The following DUSP22 variants were observed in gnomAD, a reference collection of about 807,000 sequenced individuals.
DUSP22 encodes the protein dual specificity phosphatase 22, also known as dual specificity protein phosphatase 22.
A neutral mutation model predicts 24.5 loss-of-function variants in DUSP22; 24 were observed. The ratio of observed to expected loss-of-function variants is 0.98; its 90% CI spans 0.71 to 1.38. The LOEUF (loss-of-function observed/expected upper bound fraction) is 1.38. Ranked by LOEUF, DUSP22 falls within the 40% of genes most tolerant of loss-of-function variation. The probability of loss-of-function intolerance (pLI) is 0.00; values close to 1 mark genes in which losing one functional copy is unlikely to be tolerated. For synonymous variants in DUSP22, 160 were observed against 106.4 expected (o/e 1.50, Z -3.10); for missense variants, 330 against 269.2 (o/e 1.23, Z -1.58).
chr6:308,373 G>A (rs1395856591), intron 2 of DUSP22, among the ~76,000 whole-genome samples: 6 of 152,306 alleles, frequency 3.9e-5, no homozygotes, highest in Non-Finnish European at 7.3e-5. Context: ...AACCAATAGT[G>A]TGAAGTCTGT....
chr6:323,595 G>T (rs911828455), intron 3 of DUSP22, among the ~76,000 whole-genome samples: 1 of 152,304 alleles, frequency 6.6e-6, no homozygotes, highest in East Asian at 1.9e-4. Context: ...CACTATCAGT[G>T]CAAGGAGAGG....
intron 3 of DUSP22, among the ~76,000 whole-genome samples, chr6:329,545 TGGGTTC>T (rs1759047408): frequency 6.6e-6 from 1 of 152,238 alleles, no homozygotes. Context: ...CTCCACCTCC[TGGGTTC>T]AAGCGATTCT....
chr6:335,274 C>CAGGG, intron 4 of DUSP22, 111 bp downstream of exon 4: 1 of 1,364,328 alleles, frequency 7.3e-7, no homozygotes, highest in Non-Finnish European at 1.0e-6. Context: ...GGGACCCTTG[C>CAGGG]TGACCCTGCC....
intron 1 of DUSP22, among the ~76,000 whole-genome samples, chr6:301,275 A>G (rs777788421): frequency 1.3e-3 from 201 of 152,360 alleles, no homozygotes; most frequent in Non-Finnish European, 2.6e-3. Flanking sequence ...GACCCCAAAC[A>G]GTGGGAACCT....
intron 3 of DUSP22, among the ~76,000 whole-genome samples, chr6:317,944 AG>A (rs1407037104): frequency 1.2e-4 from 19 of 152,294 alleles, no homozygotes; most frequent in African/African-American, 4.6e-4. Context: ...AGGATGTGAA[AG>A]TAGAGTGGGG....
In DUSP22 at chr6:304,633, G is replaced by T. The variant is rs749115010; in HGVS notation, c.27G>T (p.Leu9=). Residue 9 remains leucine (L), a synonymous_variant, in exon 2 of 7, where the codon CTG becomes CTT. Coordinates refer to ENST00000419235, the MANE Select transcript of DUSP22 (RefSeq NM_001286555.3). The stretch of plus-strand genomic sequence containing the variant: ...TGTGTCTGTCTCTCTCCTAGATCCT[G>T]CCCGGCCTGTACATCGGCAACTTCA... The part of the protein sequence containing the change: MGNGMNKI[L]PGLYIGNFKD... The T allele has an allele frequency of 6.2e-7, 1 of 1,614,260 alleles. No individual in the cohort carries two copies. Among genetic ancestry groups the T allele is most frequent in the African/African-American group, 1.3e-5 (1 of 75,088 alleles).
At chr6:348,736 G>A in intron 6 of DUSP22, 33 bp from the exon 7 acceptor site, 4 of 1,613,756 alleles carry the variant, frequency 2.5e-6, no homozygotes, top group African/African-American at 2.7e-5. Context: ...GCACATGTGT[G>A]TGACGTTTCG....
Position 315,510 on chromosome 6 carries a change from C to A in DUSP22, c.138+3548C>A, listed in dbSNP as rs530779989. ...CCACTGCCTCTGTTCTCTCCTAGCA[C>A]GACTGATGTTTCTGATATCCTTAGT... On this transcript the variant is annotated intron_variant, in intron 3 of 6. Transcript: ENST00000419235. 3.3e-5 allele frequency among the ~76,000 whole-genome samples: 5 copies of A among 152,308 alleles called. No individual in the cohort carries two copies. In the East Asian group the frequency reaches 7.7e-4, roughly 23 times the overall value.
intron 1 of DUSP22, among the ~76,000 whole-genome samples, chr6:301,097 A>G (rs953938676): frequency 6.6e-6 from 1 of 152,306 alleles, no homozygotes; most frequent in Non-Finnish European, 1.5e-5. Flanking sequence ...GTGAGCAGGT[A>G]TCTGGCATTG....
rs1403317183 is a variant in DUSP22 at position 349,898 on chromosome 6, C to CT, written c.*949dup. Reference sequence around the variant, plus strand: ...CCAGGGCACCCCCTCCTCTCTGCTCCTTGCCAGCTTCATTCACTCCCAGCC... The same window carrying CT: ...CCAGGGCACCCCCTCCTCTCTGCTCCTTTGCCAGCTTCATTCACTCCCAGCC... On this transcript the variant is annotated 3_prime_UTR_variant, in exon 7 of 7. Transcript: ENST00000419235. 1 of 985,848 alleles carries CT rather than the reference C, an allele frequency of 1.0e-6. No homozygotes were observed. The highest frequency in any genetic ancestry group is 1.2e-6 in the Non-Finnish European group (1 of 830,296). The allele number at this position is 985,848 out of a possible 1,614,324, so 61.1% of individuals were successfully genotyped here.
chr6:336,622 C>T (rs558363204), intron 4 of DUSP22, among the ~76,000 whole-genome samples: 35 of 152,400 alleles, frequency 2.3e-4, no homozygotes, highest in Admixed American at 4.6e-4. Flanking sequence ...AGGAGGGGAA[C>T]GGGAGGTGGG....
chr6:293,611 G>T (rs993526358), intron 1 of DUSP22, among the ~76,000 whole-genome samples: 20 of 152,272 alleles, frequency 1.3e-4, no homozygotes, highest in Admixed American at 2.6e-4. Flanking sequence ...GTCAGCAGTG[G>T]TTTGGGTGTT....
intron 3 of DUSP22, among the ~76,000 whole-genome samples, chr6:320,558 C>A (rs1758539421): frequency 6.6e-6 from 1 of 152,310 alleles, no homozygotes; most frequent in South Asian, 2.1e-4. Flanking sequence ...GCCTGGTTGC[C>A]TTTGGGTGCC....
At position 350,899 on chromosome 6, in the gene DUSP22, C is replaced by A; in HGVS notation, c.*1948C>A. ...CTGAAGTTTCTGAAATATTGCAAAC[C>A]CACAGAGTTTAGGCTGGTGCTGCCA... On this transcript the variant is annotated 3_prime_UTR_variant, in exon 7 of 7. Transcript: ENST00000419235. 1 of 1,613,778 alleles carries A rather than the reference C, an allele frequency of 6.2e-7. No homozygotes were observed. The highest frequency in any genetic ancestry group is 1.1e-5 in the South Asian group (1 of 91,054).
At chr6:346,034 T>C in intron 5 of DUSP22, 106 bp downstream of exon 5, 1 of 1,407,604 alleles carries the variant, frequency 7.1e-7, no homozygotes, top group Non-Finnish European at 9.9e-7. Context: ...CCTAATAGTT[T>C]TCTGTAAACC....
At chr6:304,747 T>C in intron 2 of DUSP22, 86 bp downstream of exon 2, 1 of 1,568,366 alleles carries the variant, frequency 6.4e-7, no homozygotes, top group South Asian at 1.1e-5. Flanking sequence ...TATAGGTCAG[T>C]GGCTTTAAGT....
chr6:297,357 T>C (rs1241652914), intron 1 of DUSP22, among the ~76,000 whole-genome samples: 1 of 152,310 alleles, frequency 6.6e-6, no homozygotes, highest in East Asian at 1.9e-4. Flanking sequence ...CAGTCTGTTT[T>C]GAGTGTTCTT....
chr6:341,792 G>A (rs1478764474), intron 4 of DUSP22, among the ~76,000 whole-genome samples: 2 of 152,306 alleles, frequency 1.3e-5, no homozygotes, highest in Non-Finnish European at 2.9e-5. Context: ...AGAGCTACCG[G>A]GGGGTGGTGG....
chr6:297,277 A>G lies in DUSP22; in HGVS notation c.21+4717A>G, dbSNP rs1388869916. On this transcript the variant is annotated intron_variant, in intron 1 of 6. Coordinates refer to ENST00000419235, the MANE Select transcript of DUSP22 (RefSeq NM_001286555.3). ...GGTAATGATACCTTCCCCAATTACT[A>G]ATTGGGTTATTGGGAGAAGCAAATG... Among the ~76,000 whole-genome samples the G allele has an allele frequency of 2.0e-5, 3 of 152,420 alleles. No individual in the cohort carries two copies. In the East Asian group the frequency reaches 5.8e-4, roughly 29 times the overall value.
Sources: gnomAD v4.1 joint callset for allele counts (sites outside exome capture counted in the v4.1 genomes callset) on GRCh38, gnomAD v4.1.1 for gene constraint, MANE v1.5 for transcripts, NCBI Gene and HGNC (gene_info 2026-07-23, HGNC 2026-07-21) for gene names.